RYR2: variants seen among roughly 807,000 people sequenced by gnomAD.
The protein encoded by RYR2 is cardiac muscle ryanodine receptor-calcium release channel.
Under a neutral mutation model 601.1 loss-of-function variants are expected in RYR2, and 227 were observed. The ratio of observed to expected loss-of-function variants is 0.38; its 90% CI spans 0.34 to 0.42. RYR2 has a LOEUF of 0.42. Ranked by LOEUF, RYR2 falls within the 10% of genes least tolerant of loss-of-function variation. The pLI, the probability that RYR2 is intolerant of heterozygous loss-of-function variation, is 1.00. For synonymous variants in RYR2, 2,223 were observed against 2,175.1 expected (o/e 1.02, Z -0.61); for missense variants, 4,646 against 6,156.5 (o/e 0.75, Z 8.21).
intron 1 of RYR2, among the ~76,000 whole-genome samples, chr1:237,116,519 A>G (rs1413995047): frequency 1.3e-5 from 2 of 152,152 alleles, no homozygotes; most frequent in East Asian, 3.9e-4. Flanking sequence ...ACACACAAAT[A>G]TATATATTTA....
At chr1:237,479,272 T>C (rs1661759203) in intron 17 of RYR2, among the ~76,000 whole-genome samples, 1 of 152,244 alleles carries the variant, frequency 6.6e-6, no homozygotes, top group Admixed American at 6.5e-5. Context: ...CACAACTATA[T>C]ACCATTCTGC....
At chr1:237,348,969 C>G (rs569610008) in intron 3 of RYR2, among the ~76,000 whole-genome samples, 2 of 152,008 alleles carry the variant, frequency 1.3e-5, no homozygotes, top group Non-Finnish European at 2.9e-5. Flanking sequence ...CCAGACTGGC[C>G]TATGTGGAGA....
At chr1:237,321,342 A>C (rs1275473970) in intron 2 of RYR2, among the ~76,000 whole-genome samples, 1 of 152,164 alleles carries the variant, frequency 6.6e-6, no homozygotes, top group Non-Finnish European at 1.5e-5. Flanking sequence ...AAGGTGTTGA[A>C]TGTCTCAGTC....
intron 1 of RYR2, among the ~76,000 whole-genome samples, chr1:237,057,359 G>C (rs1662290320): frequency 1.3e-5 from 2 of 152,058 alleles, no homozygotes; most frequent in Admixed American, 6.6e-5. Context: ...CTAATTTTCT[G>C]TATTTTTAGT....
At chr1:237,314,625 T>C (rs998313131) in intron 2 of RYR2, among the ~76,000 whole-genome samples, 42 of 152,180 alleles carry the variant, frequency 2.8e-4, no homozygotes, top group African/African-American at 9.2e-4. Context: ...TACAGGTGCA[T>C]CGTAAATTGA....
intron 96 of RYR2, among the ~76,000 whole-genome samples, chr1:237,796,805 G>A (rs1475530445): frequency 6.6e-6 from 1 of 151,192 alleles, no homozygotes; most frequent in Non-Finnish European, 1.5e-5. Flanking sequence ...TTGTTTTTGA[G>A]ACAGAGTCTC....
intron 34 of RYR2, among the ~76,000 whole-genome samples, chr1:237,596,639 T>C (rs565905295): frequency 4.0e-4 from 27 of 67,674 alleles, no homozygotes; most frequent in African/African-American, 8.4e-4. Context: ...TGGAAAGATA[T>C]GGACATCCAG....
chr1:237,544,803 A>G (rs925592563), intron 25 of RYR2, among the ~76,000 whole-genome samples: 3 of 152,338 alleles, frequency 2.0e-5, no homozygotes, highest in South Asian at 4.1e-4. Flanking sequence ...AATTCGTTTC[A>G]TAAATTATTG....
chr1:237,235,070 C>G (rs1202323570), intron 1 of RYR2, among the ~76,000 whole-genome samples: 1 of 152,162 alleles, frequency 6.6e-6, no homozygotes, highest in Non-Finnish European at 1.5e-5. Flanking sequence ...GGCCTCTTCT[C>G]CACACTTCTG....
chr1:237,331,739 C>A (rs1256381305), intron 3 of RYR2, among the ~76,000 whole-genome samples: 2 of 151,546 alleles, frequency 1.3e-5, no homozygotes, highest in East Asian at 3.9e-4. Context: ...TGGTCTTGAC[C>A]TCCTGACCTC....
intron 10 of RYR2, among the ~76,000 whole-genome samples, chr1:237,399,712 G>A (rs962616649): frequency 6.6e-5 from 10 of 152,144 alleles, no homozygotes; most frequent in African/African-American, 2.2e-4. Context: ...CACAATCTGA[G>A]CTGACTCCAT....
chr1:237,754,978 T>C (rs1390789363), intron 80 of RYR2: 1 of 791,002 alleles, frequency 1.3e-6, no homozygotes, highest in Non-Finnish European at 1.8e-6. Flanking sequence ...GCCTATCACA[T>C]AATTTAAGAA....
intron 17 of RYR2, among the ~76,000 whole-genome samples, chr1:237,475,439 G>A (rs527640292): frequency 6.6e-6 from 1 of 152,172 alleles, no homozygotes; most frequent in East Asian, 1.9e-4. Flanking sequence ...GCCTCCTGGT[G>A]TAATCTTAAA....
intron 43 of RYR2, 98 bp downstream of exon 43, chr1:237,633,808 A>G: frequency 1.7e-6 from 2 of 1,159,802 alleles, no homozygotes; most frequent in Non-Finnish European, 2.4e-6. Flanking sequence ...ATGGACCTGA[A>G]TAGACATTTC....
chr1:237,621,572 G>A (rs569694514), intron 38 of RYR2, among the ~76,000 whole-genome samples: 2 of 152,088 alleles, frequency 1.3e-5, no homozygotes, highest in Non-Finnish European at 1.5e-5. Context: ...ACTTATCATG[G>A]CACACCCTGC....
intron 16 of RYR2, among the ~76,000 whole-genome samples, chr1:237,459,758 G>A (rs1372035627): frequency 6.6e-6 from 1 of 152,172 alleles, no homozygotes; most frequent in African/African-American, 2.4e-5. Flanking sequence ...ACCTACAAAA[G>A]TAACATTAAT....
chr1:237,270,705 G>T, intron 2 of RYR2, 89 bp downstream of exon 2: 1 of 1,369,584 alleles, frequency 7.3e-7, no homozygotes, highest in Non-Finnish European at 1.0e-6. Flanking sequence ...ATTTTCTGTG[G>T]AATACATACT....
chr1:237,374,804 C>T lies in RYR2; in HGVS notation c.463+9C>T, dbSNP rs559545973. The T allele has an allele frequency of 3.0e-5, 49 of 1,608,702 alleles. No individual in the cohort carries two copies. Among genetic ancestry groups the T allele is most frequent in the Admixed American group, 2.0e-4 (12 of 59,308 alleles). ...GCAAGAGGACACCACAGGTAAGCAT[C>T]TTGTGCTGCGGGAAGCCAGGTTCAG... On this transcript the variant is annotated intron_variant, in intron 7 of 104. Transcript: ENST00000366574.
Position 237,627,933 on chromosome 1 carries a change from T to G in RYR2, c.6293T>G (p.Leu2098Arg), listed in dbSNP as rs2148667139. Residue 2098 changes from leucine to arginine, a missense_variant, in exon 41 of 105, where the codon CTT becomes CGT. Leu to Arg is a moderately radical substitution (Grantham distance 102). Coordinates refer to ENST00000366574, the MANE Select transcript of RYR2 (RefSeq NM_001035.3). ...LHRQYDGIGG[L>R]VRALPKTYTI... ...CGGCAGTATGACGGCATTGGGGGTC[T>G]TGTTCGGGCCCTGCCAAAGACCTAC... 1.2e-6 allele frequency: 2 copies of G among 1,613,434 alleles called. No individual in the cohort carries two copies. Among genetic ancestry groups the G allele is most frequent in the Non-Finnish European group, 1.7e-6 (2 of 1,179,756 alleles).
Sources: gnomAD v4.1 joint callset for allele counts (sites outside exome capture counted in the v4.1 genomes callset) on GRCh38, gnomAD v4.1.1 for gene constraint, MANE v1.5 for transcripts, NCBI Gene and HGNC (gene_info 2026-07-23, HGNC 2026-07-21) for gene names.